ZBTB20: variants seen among roughly 807,000 people sequenced by gnomAD.
ZBTB20 encodes zinc finger and BTB domain-containing protein 20.
ZBTB20 carries 9 observed loss-of-function variants against 56.9 expected under a neutral mutation model. The ratio of observed to expected loss-of-function variants is 0.16; its 90% CI spans 0.10 to 0.28. The LOEUF is 0.28. Ranked by LOEUF, ZBTB20 falls within the 10% of genes least tolerant of loss-of-function variation. The pLI, the probability that ZBTB20 is intolerant of heterozygous loss-of-function variation, is 1.00. For synonymous variants in ZBTB20, 417 were observed against 420.7 expected (o/e 0.99, Z 0.11); for missense variants, 655 against 1,003.0 (o/e 0.65, Z 4.69).
At chr3:114,802,987 T>G (rs1004870161) in intron 4 of ZBTB20, among the ~76,000 whole-genome samples, 1 of 151,898 alleles carries the variant, frequency 6.6e-6, no homozygotes, top group African/African-American at 2.4e-5. Flanking sequence ...CAGCTCAAAA[T>G]AATTAAATCA....
chr3:114,515,417 G>A (rs189917632), intron 6 of ZBTB20, among the ~76,000 whole-genome samples: 40 of 152,262 alleles, frequency 2.6e-4, no homozygotes, highest in Admixed American at 2.3e-3. Context: ...CAGCTTCCAG[G>A]CTGCTGATCC....
intron 4 of ZBTB20, among the ~76,000 whole-genome samples, chr3:114,820,426 C>T (rs1305899162): frequency 6.6e-6 from 1 of 151,856 alleles, no homozygotes; most frequent in Non-Finnish European, 1.5e-5. Flanking sequence ...TTAGAAACAC[C>T]CATACACTTG....
chr3:114,807,896 A>C (rs895588241), intron 4 of ZBTB20, among the ~76,000 whole-genome samples: 3 of 152,026 alleles, frequency 2.0e-5, no homozygotes, highest in African/African-American at 7.2e-5. Flanking sequence ...TGGTTTGTGA[A>C]TATTTTGTTG....
At chr3:115,078,613 G>GTATATATATA (rs3086037) in intron 1 of ZBTB20, among the ~76,000 whole-genome samples, 4 of 137,826 alleles carry the variant, frequency 2.9e-5, no homozygotes, top group African/African-American at 8.5e-5. Flanking sequence ...GTGTGTGTGT[G>GTATATATATA]TATATATATA....
chr3:114,674,857 A>C (rs2061539973), intron 6 of ZBTB20, among the ~76,000 whole-genome samples: 1 of 151,856 alleles, frequency 6.6e-6, no homozygotes, highest in South Asian at 2.1e-4. Context: ...TACATACATA[A>C]ACACACACAT....
At position 114,351,757 on chromosome 3, in the gene ZBTB20, C is replaced by T. The variant is rs753913401; in HGVS notation, c.321G>A (p.Thr107=). 3.1e-6 allele frequency: 5 copies of T among 1,613,836 alleles called. No homozygotes were observed. The highest frequency in any genetic ancestry group is 1.3e-5 in the African/African-American group (1 of 74,944). ...QRNRGHFCDV[T]VRIHGSMLRA... ...GCAGCATGCTCCCGTGGATGCGCAC[C>T]GTTACGTCACAGAAGTGGCCACGGT... The change falls in exon 11 of 12, where the codon ACG becomes ACA. Residue 107 remains threonine, a synonymous_variant. Transcript: ENST00000675478.
intron 3 of ZBTB20, among the ~76,000 whole-genome samples, chr3:114,964,776 G>T (rs2077586008): frequency 1.3e-5 from 2 of 152,148 alleles, no homozygotes; most frequent in African/African-American, 4.8e-5. Context: ...AATTTTCAAT[G>T]TCATCTTGTG....
chr3:114,473,472 C>A (rs980492601), intron 7 of ZBTB20, among the ~76,000 whole-genome samples: 7 of 152,012 alleles, frequency 4.6e-5, no homozygotes, highest in East Asian at 1.9e-4. Flanking sequence ...CTGGAGTGAA[C>A]CTAAGAGGTT....
At position 114,696,105 on chromosome 3, in the gene ZBTB20, C is replaced by T. The variant is rs552203186; in HGVS notation, c.-342-2530G>A. Among the ~76,000 whole-genome samples, 11 of 152,128 alleles carry T rather than the reference C, an allele frequency of 7.2e-5. No homozygotes were observed. In the South Asian group the frequency reaches 1.7e-3, roughly 23 times the overall value. On this transcript the variant is annotated intron_variant, in intron 5 of 11. Transcript: ENST00000675478. ...ACAGAGATGGGATAATACCAATAATCTCGATCACCCAGTTGTTAAAACAGA... is the reference window on the plus strand; with the variant it reads ...ACAGAGATGGGATAATACCAATAATTTCGATCACCCAGTTGTTAAAACAGA...
At chr3:114,591,279 A>C (rs1322406771) in intron 6 of ZBTB20, among the ~76,000 whole-genome samples, 1 of 152,210 alleles carries the variant, frequency 6.6e-6, no homozygotes, top group East Asian at 1.9e-4. Flanking sequence ...AAATATCTAT[A>C]TTTGGCATGC....
intron 6 of ZBTB20, among the ~76,000 whole-genome samples, chr3:114,515,248 T>C (rs1176185919): frequency 6.6e-6 from 1 of 152,188 alleles, no homozygotes; most frequent in African/African-American, 2.4e-5. Context: ...TCCTCTTTTC[T>C]CCCAGACTAT....
intron 4 of ZBTB20, among the ~76,000 whole-genome samples, chr3:114,856,624 C>CA (rs199774623): frequency 5.3e-5 from 8 of 150,532 alleles, no homozygotes; most frequent in Admixed American, 1.3e-4. Flanking sequence ...AAGGTTCTTA[C>CA]AAAAAAAAAG....
At chr3:114,955,045 C>T (rs999453039) in intron 3 of ZBTB20, among the ~76,000 whole-genome samples, 5 of 152,184 alleles carry the variant, frequency 3.3e-5, no homozygotes, top group African/African-American at 7.2e-5. Flanking sequence ...GCAACTACCC[C>T]ACAAAGAGCA....
intron 10 of ZBTB20, among the ~76,000 whole-genome samples, chr3:114,365,502 G>A (rs183151450): frequency 6.6e-5 from 10 of 152,284 alleles, no homozygotes; most frequent in Admixed American, 6.5e-4. Flanking sequence ...TGGGAACACA[G>A]TGTGTAGGGG....
Position 114,380,208 on chromosome 3 carries a change from T to A in ZBTB20, c.199+9A>T. On this transcript the variant is annotated intron_variant, in intron 10 of 11. Coordinates refer to ENST00000675478, the MANE Select transcript of ZBTB20 (RefSeq NM_001348800.3). ...TGCAAAGACACCATCACCTTAGTGG[T>A]GTACTCACAATCAGATGACCCGGTG... 6.5e-7 allele frequency: 1 copy of A among 1,534,088 alleles called. No individual in the cohort carries two copies. The highest frequency in any genetic ancestry group is 8.7e-7 in the Non-Finnish European group (1 of 1,145,222).
At chr3:114,500,184 T>G (rs887488629) in intron 7 of ZBTB20, among the ~76,000 whole-genome samples, 168 bp downstream of exon 7, 5 of 152,130 alleles carry the variant, frequency 3.3e-5, no homozygotes, top group Non-Finnish European at 7.3e-5. Context: ...GGATAGCAAC[T>G]TAGTATTACC....
chr3:115,051,965 G>A (rs2081567413), intron 2 of ZBTB20, among the ~76,000 whole-genome samples: 1 of 151,944 alleles, frequency 6.6e-6, no homozygotes, highest in Non-Finnish European at 1.5e-5. Flanking sequence ...ATCTCGGTGA[G>A]AACTCACTCA....
intron 10 of ZBTB20, chr3:114,375,880 A>G (rs1422610933): frequency 1.3e-5 from 2 of 152,252 alleles, no homozygotes; most frequent in Admixed American, 6.5e-5. Flanking sequence ...TATGTCATCT[A>G]TTAGGCCTGG....
chr3:114,829,667 T>G (rs1294837863), intron 4 of ZBTB20, among the ~76,000 whole-genome samples: 1 of 151,852 alleles, frequency 6.6e-6, no homozygotes, highest in Non-Finnish European at 1.5e-5. Flanking sequence ...AGGTAGAAGT[T>G]ACACGGGAGA....
Sources: allele counts gnomAD v4.1 joint callset (sites outside exome capture counted in the v4.1 genomes callset), GRCh38; gene constraint gnomAD v4.1.1; transcripts MANE v1.5; gene names NCBI Gene and HGNC (gene_info 2026-07-23, HGNC 2026-07-21).